Variants in ZNF385B observed in about 807,000 individuals in gnomAD.
ZNF385B encodes the protein zinc finger protein 533.
ZNF385B carries 23 observed loss-of-function variants against 39.2 expected under a neutral mutation model. That is an observed-to-expected ratio of 0.59 (90% CI 0.42 to 0.83). The LOEUF (loss-of-function observed/expected upper bound fraction) is 0.83, where lower values mean the gene tolerates loss of function less well. Among genes scored for constraint, ZNF385B ranks in the 40% least tolerant of loss-of-function variants. The probability of loss-of-function intolerance (pLI) is 0.00; values close to 1 mark genes in which losing one functional copy is unlikely to be tolerated. For missense variants in ZNF385B, 552 were observed against 598.9 expected (o/e 0.92, Z 0.82); for synonymous variants, 205 against 222.6 (o/e 0.92, Z 0.70).
chr2:179,761,481 T>G (rs979772475), intron 3 of ZNF385B, among the ~76,000 whole-genome samples: 2 of 152,218 alleles, frequency 1.3e-5, no homozygotes, highest in Non-Finnish European at 2.9e-5. Context: ...TTAAAGTATA[T>G]AAGTATTTCA....
At chr2:179,735,097 C>G (rs1309476579) in intron 3 of ZNF385B, among the ~76,000 whole-genome samples, 4 of 152,060 alleles carry the variant, frequency 2.6e-5, no homozygotes, top group Non-Finnish European at 1.5e-5. Flanking sequence ...AACAGGCAAC[C>G]TACAGAATGG....
intron 1 of ZNF385B, among the ~76,000 whole-genome samples, chr2:179,828,935 G>C (rs998381756): frequency 5.9e-5 from 9 of 151,582 alleles, no homozygotes; most frequent in Non-Finnish European, 1.2e-4. Flanking sequence ...GAAAGAGAAT[G>C]AGAAAGAAAG....
chr2:179,736,525 G>A (rs541066117), intron 3 of ZNF385B, among the ~76,000 whole-genome samples: 17 of 152,222 alleles, frequency 1.1e-4, no homozygotes, highest in Non-Finnish European at 1.8e-4. Context: ...ACAGTTAATC[G>A]TATTACACAG....
intron 1 of ZNF385B, among the ~76,000 whole-genome samples, chr2:179,792,434 G>A (rs1292073414): frequency 1.4e-5 from 2 of 145,052 alleles, no homozygotes; most frequent in African/African-American, 2.6e-5. Flanking sequence ...GAGTGCAGTG[G>A]CACCATCTTG....
rs1212012662 is a variant in ZNF385B at position 179,616,500 on chromosome 2, A to AT, written c.299-71532dup. On this transcript the variant is annotated intron_variant, in intron 3 of 9. Transcript: ENST00000410066. Reference sequence around the variant, plus strand: ...AGGTGTATGTCACCACGCCGGGCTAATTTTTTGTATTTTTAGTAGAGATGG... The same window carrying AT: ...AGGTGTATGTCACCACGCCGGGCTAATTTTTTTGTATTTTTAGTAGAGATGG... Among the ~76,000 whole-genome samples, 33 of 151,920 alleles carry AT rather than the reference A, an allele frequency of 2.2e-4. No homozygotes were observed. In the East Asian group the frequency reaches 6.4e-3, roughly 30 times the overall value.
chr2:179,771,062 T>C (rs184112533), intron 1 of ZNF385B, among the ~76,000 whole-genome samples: 206 of 152,156 alleles, frequency 1.4e-3, no homozygotes, highest in African/African-American at 4.1e-3. Flanking sequence ...GAAAGGGGTA[T>C]GTGTGGGAAA....
intron 3 of ZNF385B, among the ~76,000 whole-genome samples, chr2:179,715,899 TCA>T (rs1700300309): frequency 6.6e-6 from 1 of 152,182 alleles, no homozygotes; most frequent in Admixed American, 6.5e-5. Context: ...ATTCTTCCTT[TCA>T]TTAAAAATGT....
intron 3 of ZNF385B, among the ~76,000 whole-genome samples, chr2:179,664,425 T>C (rs1694893112): frequency 6.6e-6 from 1 of 152,190 alleles, no homozygotes; most frequent in Non-Finnish European, 1.5e-5. Context: ...TTTTCACAAG[T>C]ACAGCTCTCT....
chr2:179,458,157 C>T (rs904824049), intron 6 of ZNF385B, among the ~76,000 whole-genome samples: 7 of 152,192 alleles, frequency 4.6e-5, no homozygotes, highest in African/African-American at 1.4e-4. Context: ...GCTGTGTCGC[C>T]ACCCAATCTC....
At chr2:179,851,188 C>T (rs971009767) in intron 1 of ZNF385B, among the ~76,000 whole-genome samples, 8 of 152,242 alleles carry the variant, frequency 5.3e-5, no homozygotes, top group African/African-American at 1.7e-4. Flanking sequence ...CAGTGGCTCA[C>T]GCCTGTAACC....
At chr2:179,598,098 C>T (rs1688135226) in intron 3 of ZNF385B, among the ~76,000 whole-genome samples, 1 of 151,914 alleles carries the variant, frequency 6.6e-6, no homozygotes, top group Non-Finnish European at 1.5e-5. Context: ...ATATTAGATT[C>T]TTTAGGATGA....
intron 3 of ZNF385B, among the ~76,000 whole-genome samples, chr2:179,614,787 T>A (rs1418366985): frequency 6.6e-6 from 1 of 152,210 alleles, no homozygotes; most frequent in Non-Finnish European, 1.5e-5. Context: ...ATCCATTATA[T>A]CAGTAGCATC....
chr2:179,493,017 T>G (rs1294231367), intron 5 of ZNF385B, among the ~76,000 whole-genome samples: 1 of 152,136 alleles, frequency 6.6e-6, no homozygotes, highest in African/African-American at 2.4e-5. Context: ...TATCTATAAC[T>G]TTGATTCACC....
chr2:179,829,759 CG>C (rs1707881004), intron 1 of ZNF385B, among the ~76,000 whole-genome samples: 1 of 152,140 alleles, frequency 6.6e-6, no homozygotes, highest in Non-Finnish European at 1.5e-5. Flanking sequence ...GTGATCTGCC[CG>C]CCTTGGCCTC....
At chr2:179,689,401 T>G (rs1698170142) in intron 3 of ZNF385B, among the ~76,000 whole-genome samples, 2 of 152,186 alleles carry the variant, frequency 1.3e-5, no homozygotes, top group Admixed American at 6.5e-5. Context: ...TGAAGCTTTG[T>G]GGACACTCAG....
intron 3 of ZNF385B, among the ~76,000 whole-genome samples, chr2:179,713,205 T>C (rs59431424): frequency 0.2 from 30,367 of 152,154 alleles, 3,737 homozygotes; most frequent in East Asian, 0.49. Flanking sequence ...TTTTTGGGGA[T>C]GCAACCTCAT....
At chr2:179,821,056 G>T (rs998287416) in intron 1 of ZNF385B, among the ~76,000 whole-genome samples, 1 of 152,060 alleles carries the variant, frequency 6.6e-6, no homozygotes, top group Non-Finnish European at 1.5e-5. Context: ...AGTTTTCAAT[G>T]AATACTTTTT....
intron 3 of ZNF385B, among the ~76,000 whole-genome samples, chr2:179,647,080 CATGTATTATCTAT>C (rs1692783253): frequency 6.6e-6 from 1 of 152,186 alleles, no homozygotes; most frequent in African/African-American, 2.4e-5. Flanking sequence ...CCTCCCACAC[CATGTATTATCTAT>C]ATGTGAATAG....
intron 3 of ZNF385B, among the ~76,000 whole-genome samples, chr2:179,653,516 C>T (rs1693412968): frequency 6.6e-6 from 1 of 152,116 alleles, no homozygotes; most frequent in African/African-American, 2.4e-5. Flanking sequence ...ACATCAGCTA[C>T]TCACTCCCCT....
Sources: gnomAD v4.1 joint callset for allele counts (sites outside exome capture counted in the v4.1 genomes callset) on GRCh38, gnomAD v4.1.1 for gene constraint, MANE v1.5 for transcripts, NCBI Gene and HGNC (gene_info 2026-07-23, HGNC 2026-07-21) for gene names.